The following NR2C2 variants were observed in gnomAD, a reference collection of about 807,000 sequenced individuals.
The protein encoded by NR2C2 is nuclear receptor subfamily 2 group C member 2.
Under a neutral mutation model 62.9 loss-of-function variants are expected in NR2C2, and 6 were observed. The ratio of observed to expected loss-of-function variants is 0.10; its 90% confidence interval spans 0.05 to 0.19. The LOEUF (loss-of-function observed/expected upper bound fraction) is 0.19. Ranked by LOEUF, NR2C2 falls within the 10% of genes least tolerant of loss-of-function variation. The pLI is 1.00. For synonymous variants in NR2C2, 272 were observed against 273.8 expected (o/e 0.99, Z 0.07); for missense variants, 479 against 762.7 (o/e 0.63, Z 4.38).
intron 7 of NR2C2, chr3:15,025,660 G>A (rs2041803465): frequency 6.6e-6 from 1 of 152,274 alleles, no homozygotes; most frequent in Admixed American, 6.5e-5. Context: ...AATTTACTAT[G>A]AAGGAAGTAC....
intron 4 of NR2C2, among the ~76,000 whole-genome samples, chr3:15,017,936 C>A (rs2041557318): frequency 6.6e-6 from 1 of 152,174 alleles, no homozygotes; most frequent in Non-Finnish European, 1.5e-5. Context: ...TCAGTCTCAG[C>A]TGGAAACAAG....
intron 1 of NR2C2, among the ~76,000 whole-genome samples, chr3:14,956,553 A>T (rs145512867): frequency 2.6e-5 from 4 of 151,994 alleles, no homozygotes; most frequent in Non-Finnish European, 5.9e-5. Context: ...TTATTTATTT[A>T]TTTTTTGAGA....
intron 1 of NR2C2, among the ~76,000 whole-genome samples, chr3:14,952,475 A>G: frequency 6.6e-6 from 1 of 152,050 alleles, no homozygotes; most frequent in Non-Finnish European, 1.5e-5. Flanking sequence ...ACACGGGGGG[A>G]GTCCGTGAAG....
intron 1 of NR2C2, among the ~76,000 whole-genome samples, chr3:14,971,305 A>G (rs1425489302): frequency 4.6e-5 from 7 of 151,414 alleles, no homozygotes; most frequent in Non-Finnish European, 7.4e-5. Flanking sequence ...TTTAGTAGAG[A>G]TGGGGTTTCA....
At chr3:15,037,923 C>A in intron 11 of NR2C2, 77 bp from the exon 12 acceptor site, 5 of 1,408,414 alleles carry the variant, frequency 3.6e-6, no homozygotes, top group Non-Finnish European at 4.8e-6. Flanking sequence ...CCATTTCTTT[C>A]CATATGTGGC....
At chr3:14,969,422 T>C (rs947767195) in intron 1 of NR2C2, among the ~76,000 whole-genome samples, 3 of 152,172 alleles carry the variant, frequency 2.0e-5, no homozygotes, top group Middle Eastern at 3.4e-3. Context: ...TTTGTACTTT[T>C]AGCAGAGATG....
intron 1 of NR2C2, among the ~76,000 whole-genome samples, chr3:14,994,286 C>T (rs1442081380): frequency 6.6e-6 from 1 of 151,880 alleles, no homozygotes; most frequent in African/African-American, 2.4e-5. Flanking sequence ...ATATACTCAC[C>T]ACCCAAGTTA....
chr3:15,024,682 C>T (rs935195558), intron 7 of NR2C2, among the ~76,000 whole-genome samples: 2 of 152,338 alleles, frequency 1.3e-5, no homozygotes, highest in African/African-American at 2.4e-5. Context: ...AGATGTTCGT[C>T]AGTCCAAAAG....
intron 1 of NR2C2, chr3:14,959,090 A>G (rs983609989): frequency 2.0e-5 from 3 of 152,180 alleles, no homozygotes; most frequent in Non-Finnish European, 4.4e-5. Context: ...CTAATTGATA[A>G]CCATTTTCTG....
chr3:14,953,894 C>CAAAAAAA (rs538255184), intron 1 of NR2C2, among the ~76,000 whole-genome samples: 25 of 74,316 alleles, frequency 3.4e-4, no homozygotes, highest in African/African-American at 1.0e-3. Context: ...GACTTCATCT[C>CAAAAAAA]AAAAAAAAAA....
chr3:14,956,058 C>G lies in NR2C2; in HGVS notation c.-40+8152C>G, dbSNP rs151233188. Among the ~76,000 whole-genome samples the G allele has an allele frequency of 1.6e-3, 250 of 152,282 alleles. 1 individual carries two copies. The highest frequency in any genetic ancestry group is 5.3e-3 in the African/African-American group (221 of 41,566). ...AGGGTCACAATGGAAAGGAAATTAC[C>G]TGACCCTAAAGCTAAGTAAACTTGG... On this transcript the variant is annotated intron_variant, in intron 1 of 13. Coordinates refer to ENST00000425241, the MANE Select transcript of NR2C2 (RefSeq NM_001291694.2).
chr3:14,960,124 TC>T lies in NR2C2; in HGVS notation c.-40+12220del, dbSNP rs964356486. 1.1e-4 allele frequency among the ~76,000 whole-genome samples: 16 copies of T among 152,296 alleles called. No homozygotes were observed. In the East Asian group the frequency reaches 3.1e-3, roughly 29 times the overall value. ...TCTAAGAAAATATTTACAGTTACAT[TC>T]CTGGGATAGGACAGGATTTTCATAA... On this transcript the variant is annotated intron_variant, in intron 1 of 13. Coordinates refer to ENST00000425241, the MANE Select transcript of NR2C2 (RefSeq NM_001291694.2).
chr3:14,993,180 A>G (rs1012619455), intron 1 of NR2C2, among the ~76,000 whole-genome samples: 10 of 152,178 alleles, frequency 6.6e-5, no homozygotes, highest in Admixed American at 3.3e-4. Context: ...AAGGCCAAGC[A>G]TGGTGGCTCA....
chr3:15,007,093 A>G (rs1214043337), intron 2 of NR2C2, among the ~76,000 whole-genome samples: 1 of 146,952 alleles, frequency 6.8e-6, no homozygotes, highest in Non-Finnish European at 1.5e-5. Flanking sequence ...CTCATCTTAA[A>G]TGTCACCTTG....
At position 15,047,937 on chromosome 3, in the gene NR2C2, A is replaced by G. The variant is rs184415322; in HGVS notation, c.*4929A>G. 1.3e-4 allele frequency: 20 copies of G among 152,348 alleles called. No homozygotes were observed. The highest frequency in any genetic ancestry group is 4.3e-4 in the African/African-American group (18 of 41,540). 9.4% of individuals were successfully genotyped at this position (152,348 alleles called of 1,614,324 possible). A position where few individuals can be genotyped will look rare whatever the true frequency, so the allele number is the denominator to read the frequency against. ...TACCAAATTTTCCTCGTCCAGGTCT[A>G]CTCGGACGAATTTTCCCCCTTAATC... is the stretch of plus-strand genomic sequence containing the variant. On this transcript the variant is annotated 3_prime_UTR_variant, in exon 14 of 14. Coordinates refer to ENST00000425241, the MANE Select transcript of NR2C2 (RefSeq NM_001291694.2).
intron 1 of NR2C2, among the ~76,000 whole-genome samples, chr3:14,974,479 G>A (rs1193844225): frequency 6.6e-6 from 1 of 152,128 alleles, no homozygotes; most frequent in Admixed American, 6.5e-5. Context: ...TTTGGATAGT[G>A]TTGACTTCAT....
chr3:15,031,061 C>T (rs1317891885), intron 9 of NR2C2, among the ~76,000 whole-genome samples: 3 of 152,164 alleles, frequency 2.0e-5, no homozygotes, highest in Non-Finnish European at 4.4e-5. Flanking sequence ...GGGCTGAATG[C>T]TCTGCCTCTG....
intron 1 of NR2C2, among the ~76,000 whole-genome samples, chr3:14,983,756 G>A (rs115781220): frequency 0.011 from 1,714 of 151,968 alleles, 31 homozygotes; most frequent in African/African-American, 0.037. Context: ...AAGACTATTC[G>A]GATTTTTTAG....
intron 1 of NR2C2, among the ~76,000 whole-genome samples, chr3:14,963,075 T>C (rs773620774): frequency 1.5e-4 from 23 of 152,042 alleles, no homozygotes; most frequent in Non-Finnish European, 2.9e-4. Flanking sequence ...CCCAAGTAAG[T>C]GGGGTGGGGA....
Sources: gnomAD v4.1 joint callset for allele counts (sites outside exome capture counted in the v4.1 genomes callset) on GRCh38, gnomAD v4.1.1 for gene constraint, MANE v1.5 for transcripts, NCBI Gene and HGNC (gene_info 2026-07-23, HGNC 2026-07-21) for gene names.